The following PIGL variants were observed in gnomAD, a reference collection of about 807,000 sequenced individuals.
PIGL encodes phosphatidylinositol glycan anchor biosynthesis class L, also known as N-acetylglucosaminyl-phosphatidylinositol de-N-acetylase.
PIGL carries 22 observed loss-of-function variants against 31.1 expected under a neutral mutation model. The ratio of observed to expected loss-of-function variants is 0.71; its 90% CI spans 0.51 to 1.01. The LOEUF is 1.01. Among genes scored for constraint, PIGL ranks in the 50% least tolerant of loss-of-function variants. The pLI is 0.00. For synonymous variants in PIGL, 131 were observed against 117.4 expected, an observed-to-expected ratio of 1.12 and a Z score of -0.75; for missense variants, 302 against 315.9, an observed-to-expected ratio of 0.96 and a Z score of 0.33.
chr17:16,258,069 A>AAGAGAGAGAGAGAGAGAGAGAGAGAG (rs749459552), intron 2 of PIGL, among the ~76,000 whole-genome samples: 1 of 90,478 alleles, frequency 1.1e-5, no homozygotes, highest in Non-Finnish European at 2.0e-5. Flanking sequence ...GTCAGAAAGA[A>AAGAGAGAGAGAGAGAGAGAGAGAGAG]AGAGAGAGAG....
chr17:16,316,599 G>T (rs1246439915), intron 4 of PIGL, 82 bp from the exon 5 acceptor site: 8 of 1,383,666 alleles, frequency 5.8e-6, no homozygotes, highest in Non-Finnish European at 8.0e-6. Context: ...GGGCATGGCA[G>T]CCTTTCCTCT....
intron 6 of PIGL, among the ~76,000 whole-genome samples, chr17:16,318,170 A>G (rs986864316): frequency 1.3e-5 from 2 of 152,220 alleles, no homozygotes; most frequent in Non-Finnish European, 2.9e-5. Context: ...AAAATCTTGA[A>G]AAACATAAAA....
chr17:16,304,753 T>TA lies in PIGL; in HGVS notation c.426+4776dup, dbSNP rs374567578. Among the ~76,000 whole-genome samples the TA allele has an allele frequency of 8.0e-3, 1,222 of 152,310 alleles. 22 individuals carry two copies. Among genetic ancestry groups the TA allele is most frequent in the African/African-American group, 0.028 (1,178 of 41,552 alleles). On this transcript the variant is annotated intron_variant, in intron 3 of 6. Coordinates refer to ENST00000225609, the MANE Select transcript of PIGL (RefSeq NM_004278.4). ...CCTCAACTTTCATTCAGTAAGTATT[T>TA]ATTAAGTACCCAATATGGGACATTT...
intron 3 of PIGL, among the ~76,000 whole-genome samples, chr17:16,312,135 G>A (rs2093054101): frequency 6.9e-6 from 1 of 145,508 alleles, no homozygotes; most frequent in East Asian, 2.0e-4. Flanking sequence ...GGCGGGGGCT[G>A]CCCGCAGCCC....
At chr17:16,258,154 AGAG>A (rs2092804635) in intron 2 of PIGL, among the ~76,000 whole-genome samples, 2 of 147,184 alleles carry the variant, frequency 1.4e-5, no homozygotes, top group African/African-American at 2.5e-5. Flanking sequence ...AGAGAGAGAG[AGAG>A]AAAACTCGGA....
chr17:16,269,659 AAAAAAAAT>A (rs1218825386), intron 2 of PIGL, among the ~76,000 whole-genome samples: 2 of 147,196 alleles, frequency 1.4e-5, no homozygotes, highest in Non-Finnish European at 3.0e-5. Context: ...AAAAAAAAAA[AAAAAAAAT>A]TAGAATTACC....
intron 1 of PIGL, among the ~76,000 whole-genome samples, chr17:16,228,621 C>T (rs1451961109): frequency 6.6e-6 from 1 of 151,398 alleles, no homozygotes. Context: ...ATCTCCTGAC[C>T]TCGTGATCCG....
chr17:16,232,335 C>T (rs2092682674), intron 1 of PIGL, among the ~76,000 whole-genome samples: 1 of 152,008 alleles, frequency 6.6e-6, no homozygotes, highest in African/African-American at 2.4e-5. Context: ...TTTTCTCCAC[C>T]ACCCCAAAAG....
intron 2 of PIGL, among the ~76,000 whole-genome samples, chr17:16,267,858 A>G (rs2092851725): frequency 6.6e-6 from 1 of 152,096 alleles, no homozygotes; most frequent in Non-Finnish European, 1.5e-5. Flanking sequence ...ATGTTTGTGT[A>G]ATACTAGCCA....
At chr17:16,322,969 A>T (rs1035840900) in intron 6 of PIGL, among the ~76,000 whole-genome samples, 2 of 152,232 alleles carry the variant, frequency 1.3e-5, no homozygotes, top group Non-Finnish European at 2.9e-5. Context: ...TTTGATCACA[A>T]GCATGAGTTA....
intron 2 of PIGL, among the ~76,000 whole-genome samples, chr17:16,274,135 C>A (rs1231884763): frequency 6.6e-6 from 1 of 152,110 alleles, no homozygotes; most frequent in Non-Finnish European, 1.5e-5. Flanking sequence ...AAATAGGGAA[C>A]CTTAGTACTG....
Position 16,316,682 on chromosome 17 carries a change from G to A in PIGL, c.496G>A (p.Ala166Thr), listed in dbSNP as rs1437224158. The change falls in exon 5 of 7, where the codon GCC becomes ACC. Residue 166 changes from alanine to threonine, a missense_variant and splice_region_variant. Physicochemically the swap from Ala to Thr is moderately conservative, Grantham distance 58. Coordinates refer to ENST00000225609, the MANE Select transcript of PIGL (RefSeq NM_004278.4). The stretch of plus-strand genomic sequence containing the variant: ...ACTCTTGTCCTATCCCTCCTCCAGG[G>A]CCCTGCACTCAGAAGGGAAGTTACC... ...NHIALYAAVR[A>T]LHSEGKLPKG... 2.5e-6 allele frequency: 4 copies of A among 1,604,688 alleles called. No individual in the cohort carries two copies. Among genetic ancestry groups the A allele is most frequent in the African/African-American group, 1.3e-5 (1 of 74,912 alleles).
intron 1 of PIGL, among the ~76,000 whole-genome samples, chr17:16,222,814 C>A (rs890902857): frequency 6.6e-6 from 1 of 151,662 alleles, no homozygotes; most frequent in Non-Finnish European, 1.5e-5. Flanking sequence ...GAGTTCCAGA[C>A]CAGCCTGGCC....
chr17:16,252,321 C>T (rs982455591), intron 2 of PIGL, among the ~76,000 whole-genome samples: 6 of 151,990 alleles, frequency 3.9e-5, no homozygotes, highest in Admixed American at 2.0e-4. Context: ...GTCCACCCGC[C>T]TTGGCCTCCC....
At chr17:16,319,093 C>T (rs1050999810) in intron 6 of PIGL, among the ~76,000 whole-genome samples, 1 of 151,706 alleles carries the variant, frequency 6.6e-6, no homozygotes, top group Non-Finnish European at 1.5e-5. Context: ...GGCATGGTGG[C>T]ACATGCCAGT....
chr17:16,308,854 T>C (rs1211115441), intron 3 of PIGL, among the ~76,000 whole-genome samples: 1 of 146,796 alleles, frequency 6.8e-6, no homozygotes, highest in Non-Finnish European at 1.5e-5. Flanking sequence ...AATGGTGTGA[T>C]CATGGCTCAC....
chr17:16,227,381 G>T (rs1185198108), intron 1 of PIGL, among the ~76,000 whole-genome samples: 1 of 152,038 alleles, frequency 6.6e-6, no homozygotes, highest in African/African-American at 2.4e-5. Context: ...AAAGTGCTGG[G>T]ATTACAGGCG....
intron 3 of PIGL, among the ~76,000 whole-genome samples, chr17:16,311,874 G>A (rs945686679): frequency 1.3e-5 from 2 of 152,170 alleles, no homozygotes; most frequent in African/African-American, 4.8e-5. Flanking sequence ...CACAGACACA[G>A]CAACAATCTG....
chr17:16,266,592 A>G (rs913939905), intron 2 of PIGL, among the ~76,000 whole-genome samples: 1 of 151,168 alleles, frequency 6.6e-6, no homozygotes, highest in African/African-American at 2.4e-5. Context: ...TGCTCAACAG[A>G]TAATAGTTTC....
Sources: allele counts gnomAD v4.1 joint callset (sites outside exome capture counted in the v4.1 genomes callset), GRCh38; gene constraint gnomAD v4.1.1; transcripts MANE v1.5; gene names NCBI Gene and HGNC (gene_info 2026-07-23, HGNC 2026-07-21).